The following TOP6BL variants were observed in gnomAD, a reference collection of about 807,000 sequenced individuals.
The protein encoded by TOP6BL is type 2 DNA topoisomerase 6 subunit B-like.
At chr11:66,843,203 C>G in the TOP6BL span, 1 of 1,611,010 alleles carries the variant, frequency 6.2e-7, no homozygotes, top group South Asian at 1.1e-5. Flanking sequence ...TCCAACCTGT[C>G]AGAGTGGCTG....
chr11:66,794,352 G>A, the TOP6BL span, among the ~76,000 whole-genome samples: 27 of 152,024 alleles, frequency 1.8e-4, no homozygotes, highest in Middle Eastern at 3.4e-3. Context: ...TTTTCTAGGA[G>A]ACTGTTTCTA....
the TOP6BL span, among the ~76,000 whole-genome samples, chr11:66,752,336 G>A: frequency 6.6e-6 from 1 of 152,016 alleles, no homozygotes; most frequent in Non-Finnish European, 1.5e-5. Context: ...TCAGAATTTT[G>A]ATGACATTGC....
the TOP6BL span, among the ~76,000 whole-genome samples, chr11:66,791,829 T>C: frequency 6.6e-6 from 1 of 151,678 alleles, no homozygotes; most frequent in Non-Finnish European, 1.5e-5. Context: ...TTTTTTTTTT[T>C]TTTTTTGGGA....
the TOP6BL span, among the ~76,000 whole-genome samples, chr11:66,807,208 G>A: frequency 5.9e-5 from 9 of 152,196 alleles, no homozygotes; most frequent in Admixed American, 3.3e-4. Context: ...TTTACTTTCT[G>A]AAAGTGGCAA....
chr11:66,802,972 C>G, the TOP6BL span, among the ~76,000 whole-genome samples: 5 of 152,172 alleles, frequency 3.3e-5, no homozygotes, highest in Non-Finnish European at 5.9e-5. Context: ...TTAATTCATT[C>G]ATTCTTAATC....
the TOP6BL span, among the ~76,000 whole-genome samples, chr11:66,759,534 T>G: frequency 5.9e-5 from 9 of 152,238 alleles, no homozygotes. Flanking sequence ...CCACATTATA[T>G]GCCAGAGTTG....
At chr11:66,817,477 C>T in the TOP6BL span, among the ~76,000 whole-genome samples, 3 of 152,172 alleles carry the variant, frequency 2.0e-5, no homozygotes, top group East Asian at 1.9e-4. Flanking sequence ...CTCCCTCTGT[C>T]GCCCAGGCTG....
the TOP6BL span, among the ~76,000 whole-genome samples, chr11:66,760,989 A>G: frequency 6.7e-6 from 1 of 148,910 alleles, no homozygotes. Context: ...TATTACTTAA[A>G]GCACCTTTTT....
chr11:66,758,603 C>T, the TOP6BL span, among the ~76,000 whole-genome samples: 6 of 152,020 alleles, frequency 3.9e-5, no homozygotes, highest in African/African-American at 4.8e-5. Context: ...CGTGAGCCAC[C>T]GCACCCGGCC....
chr11:66,790,387 C>T, the TOP6BL span, among the ~76,000 whole-genome samples: 5 of 152,090 alleles, frequency 3.3e-5, no homozygotes, highest in Non-Finnish European at 5.9e-5. Context: ...TAGAAGTGAG[C>T]CCTGAATGCT....
chr11:66,789,957 A>G, the TOP6BL span, among the ~76,000 whole-genome samples: 1 of 152,176 alleles, frequency 6.6e-6, no homozygotes, highest in African/African-American at 2.4e-5. Context: ...TACTATCTGT[A>G]GGTACAGTGT....
the TOP6BL span, among the ~76,000 whole-genome samples, chr11:66,796,567 T>A: frequency 6.6e-6 from 1 of 151,846 alleles, no homozygotes; most frequent in Non-Finnish European, 1.5e-5. Context: ...ATCGCTTGAG[T>A]CCAGGAGTTT....
At chr11:66,765,305 A>G in the TOP6BL span, among the ~76,000 whole-genome samples, 1 of 152,230 alleles carries the variant, frequency 6.6e-6, no homozygotes, top group Admixed American at 6.5e-5. Context: ...TAAAAACTCA[A>G]AGCAATTTCA....
At chr11:66,746,642 G>T in the TOP6BL span, among the ~76,000 whole-genome samples, 1 of 151,966 alleles carries the variant, frequency 6.6e-6, no homozygotes, top group African/African-American at 2.4e-5. Context: ...TGAACCCAGG[G>T]GGCGGAGGTT....
chr11:66,790,437 G>T, the TOP6BL span, among the ~76,000 whole-genome samples: 13 of 152,196 alleles, frequency 8.5e-5, no homozygotes, highest in African/African-American at 3.1e-4. Context: ...CATGGGAAGA[G>T]GTTGAAGTCT....
the TOP6BL span, among the ~76,000 whole-genome samples, chr11:66,748,871 C>CA: frequency 0.038 from 2,109 of 55,710 alleles, 43 homozygotes; most frequent in African/African-American, 0.094. Context: ...TTGGCAGTAG[C>CA]AAAAAAAAAA....
the TOP6BL span, among the ~76,000 whole-genome samples, chr11:66,747,206 G>T: frequency 2.6e-5 from 4 of 152,094 alleles, no homozygotes; most frequent in African/African-American, 9.7e-5. Context: ...GAAGTGCTGG[G>T]ATTACAGGTG....
the TOP6BL span, among the ~76,000 whole-genome samples, chr11:66,759,446 T>G: frequency 6.6e-6 from 1 of 152,212 alleles, no homozygotes; most frequent in African/African-American, 2.4e-5. Flanking sequence ...AGTAGGTATT[T>G]GTTTCTATCT....
the TOP6BL span, among the ~76,000 whole-genome samples, chr11:66,837,947 A>G: frequency 6.6e-6 from 1 of 152,150 alleles, no homozygotes; most frequent in East Asian, 1.9e-4. Flanking sequence ...TGACTTTCTC[A>G]GTCAAACTTA....
Sources: gnomAD v4.1 joint callset for allele counts (sites outside exome capture counted in the v4.1 genomes callset) on GRCh38, gnomAD v4.1.1 for gene constraint, MANE v1.5 for transcripts, NCBI Gene and HGNC (gene_info 2026-07-23, HGNC 2026-07-21) for gene names.